The following NRCAM variants were observed in gnomAD, a reference collection of about 807,000 sequenced individuals.
NRCAM encodes the protein NgCAM-related cell adhesion molecule.
Under a neutral mutation model 156.5 loss-of-function variants are expected in NRCAM, and 83 were observed. The ratio of observed to expected loss-of-function variants is 0.53; its 90% confidence interval spans 0.44 to 0.64. NRCAM has a LOEUF of 0.64. NRCAM is among the 30% of genes least tolerant of loss of function. The probability of loss-of-function intolerance (pLI) is 0.00; values close to 1 mark genes in which losing one functional copy is unlikely to be tolerated. For synonymous variants in NRCAM, 538 were observed against 563.9 expected (o/e 0.95, Z 0.65); for missense variants, 1,417 against 1,597.3 (o/e 0.89, Z 1.92).
chr7:108,257,010 A>AG (rs2096701315), intron 3 of NRCAM, among the ~76,000 whole-genome samples: 1 of 148,262 alleles, frequency 6.7e-6, no homozygotes, highest in African/African-American at 2.6e-5. Context: ...CTGTCGAAAA[A>AG]AAAAAAAAAG....
At chr7:108,252,653 AAAT>A (rs1562957009) in intron 3 of NRCAM, among the ~76,000 whole-genome samples, 1 of 74,170 alleles carries the variant, frequency 1.3e-5, no homozygotes, top group African/African-American at 8.9e-5. Flanking sequence ...GGAGATAGAT[AAAT>A]CTCAGTGTTT....
At chr7:108,187,132 C>A (rs141492503) in intron 20 of NRCAM, among the ~76,000 whole-genome samples, 2 of 152,296 alleles carry the variant, frequency 1.3e-5, no homozygotes, top group East Asian at 3.9e-4. Flanking sequence ...CTGTCTGCTT[C>A]CCCTCTTGTT....
At chr7:108,253,082 G>T (rs933677263) in intron 3 of NRCAM, among the ~76,000 whole-genome samples, 2 of 152,208 alleles carry the variant, frequency 1.3e-5, no homozygotes, top group East Asian at 3.8e-4. Context: ...TTATCTCAGC[G>T]TCTAAGGCAC....
rs181934807 is a variant in NRCAM at position 108,198,175 on chromosome 7, G to A, written c.1208-76C>T. On this transcript the variant is annotated intron_variant, in intron 13 of 32. Transcript: ENST00000379028. ...GTATATTAAGCTTGTAAAGTCAGTA[G>A]GACATAAATAAAGACTGCTCTAAGT... is the stretch of plus-strand genomic sequence containing the variant. 4.5e-4 allele frequency: 549 copies of A among 1,223,254 alleles called. 2 individuals carry two copies. The African/African-American group carries it at 7.9e-3, about 18-fold the overall frequency. The allele number at this position is 1,223,254 out of a possible 1,614,324, so 75.8% of individuals were successfully genotyped here.
chr7:108,389,635 G>C (rs1481039569), intron 2 of NRCAM, among the ~76,000 whole-genome samples: 1 of 152,136 alleles, frequency 6.6e-6, no homozygotes, highest in African/African-American at 2.4e-5. Context: ...TCTTGTGCCA[G>C]TTTTCAAAGG....
At chr7:108,242,152 G>A (rs2095570807) in intron 3 of NRCAM, among the ~76,000 whole-genome samples, 1 of 148,554 alleles carries the variant, frequency 6.7e-6, no homozygotes, top group African/African-American at 2.5e-5. Context: ...GTGGGTGCCT[G>A]TAACCCCAGC....
chr7:108,153,256 G>T (rs2042833425), intron 32 of NRCAM, among the ~76,000 whole-genome samples: 1 of 152,010 alleles, frequency 6.6e-6, no homozygotes, highest in South Asian at 2.1e-4. Context: ...TTCATATCCA[G>T]GTTGGGTTTA....
chr7:108,319,273 T>C (rs1287342996), intron 2 of NRCAM, among the ~76,000 whole-genome samples: 3 of 152,244 alleles, frequency 2.0e-5, no homozygotes, highest in Non-Finnish European at 4.4e-5. Context: ...ATTAATACTT[T>C]CTGTGTCCTT....
chr7:108,194,619 G>C (rs1464156486), intron 15 of NRCAM, among the ~76,000 whole-genome samples, 191 bp from the exon 16 acceptor site: 3 of 152,222 alleles, frequency 2.0e-5, no homozygotes, highest in African/African-American at 4.8e-5. Context: ...TCAGAGAGGA[G>C]AAGTGAAACG....
chr7:108,361,062 G>T (rs989705019), intron 2 of NRCAM, among the ~76,000 whole-genome samples: 1 of 152,124 alleles, frequency 6.6e-6, no homozygotes, highest in Non-Finnish European at 1.5e-5. Context: ...GAAAATATTT[G>T]TATATGGGGC....
At chr7:108,443,156 C>T (rs992581643) in intron 1 of NRCAM, among the ~76,000 whole-genome samples, 1 of 150,888 alleles carries the variant, frequency 6.6e-6, no homozygotes, top group African/African-American at 2.4e-5. Context: ...AATCTCGTTG[C>T]TATTATTTAA....
intron 6 of NRCAM, among the ~76,000 whole-genome samples, chr7:108,233,172 T>C (rs1385944536): frequency 1.3e-5 from 2 of 152,214 alleles, no homozygotes; most frequent in East Asian, 3.8e-4. Flanking sequence ...CTCCATTTTA[T>C]TTTTATAAAA....
At chr7:108,246,317 A>T (rs2095914350) in intron 3 of NRCAM, among the ~76,000 whole-genome samples, 2 of 152,142 alleles carry the variant, frequency 1.3e-5, no homozygotes, top group African/African-American at 4.8e-5. Context: ...CTTTGTCTGA[A>T]CAAAGGCAGG....
At chr7:108,344,196 G>A (rs2099326843) in intron 2 of NRCAM, among the ~76,000 whole-genome samples, 1 of 152,102 alleles carries the variant, frequency 6.6e-6, no homozygotes, top group Non-Finnish European at 1.5e-5. Flanking sequence ...GATTTCCTAG[G>A]CCAACTAAGA....
chr7:108,217,047 T>TAAAGACCAAA (rs768596701), intron 11 of NRCAM, among the ~76,000 whole-genome samples: 23,776 of 152,094 alleles, frequency 0.16, 2,500 homozygotes, highest in Non-Finnish European at 0.24. Flanking sequence ...CTCATCTTTG[T>TAAAGACCAAA]GGATTTATCT....
At chr7:108,348,007 C>A (rs1369537462) in intron 2 of NRCAM, among the ~76,000 whole-genome samples, 1 of 152,190 alleles carries the variant, frequency 6.6e-6, no homozygotes, top group Non-Finnish European at 1.5e-5. Context: ...TCATCTGTCC[C>A]ACAGGATGGA....
intron 2 of NRCAM, among the ~76,000 whole-genome samples, chr7:108,317,619 G>A (rs2098943548): frequency 6.6e-6 from 1 of 152,100 alleles, no homozygotes; most frequent in Non-Finnish European, 1.5e-5. Flanking sequence ...AGAAAATGGG[G>A]AAGACTGAGG....
intron 11 of NRCAM, among the ~76,000 whole-genome samples, chr7:108,222,309 T>C (rs1268606819): frequency 2.0e-5 from 3 of 152,244 alleles, no homozygotes; most frequent in Non-Finnish European, 4.4e-5. Flanking sequence ...ATAAGTCTGA[T>C]GGCTGGTTGG....
chr7:108,275,086 G>C (rs2097542981), intron 3 of NRCAM, among the ~76,000 whole-genome samples: 1 of 152,200 alleles, frequency 6.6e-6, no homozygotes, highest in Non-Finnish European at 1.5e-5. Context: ...CAGGGATGAA[G>C]CCAACTTGCT....
Sources: gnomAD v4.1 joint callset for allele counts (sites outside exome capture counted in the v4.1 genomes callset) on GRCh38, gnomAD v4.1.1 for gene constraint, MANE v1.5 for transcripts, NCBI Gene and HGNC (gene_info 2026-07-23, HGNC 2026-07-21) for gene names.